The following GPHN variants were observed in gnomAD, a reference collection of about 807,000 sequenced individuals.
GPHN encodes gephyrin.
GPHN carries 17 observed loss-of-function variants against 95.5 expected under a neutral mutation model. The observed-to-expected ratio is 0.18, with a 90% CI of 0.12 to 0.27. GPHN has a LOEUF of 0.27. Among genes scored for constraint, GPHN ranks in the 10% least tolerant of loss-of-function variants. The pLI, the probability that GPHN is intolerant of heterozygous loss-of-function variation, is 1.00. For missense variants in GPHN, 660 were observed against 978.1 expected, an observed-to-expected ratio of 0.67 and a Z score of 4.34; for synonymous variants, 320 against 322.5, an observed-to-expected ratio of 0.99 and a Z score of 0.08.
intron 4 of GPHN, among the ~76,000 whole-genome samples, chr14:66,856,051 A>G (rs2062790451): frequency 6.6e-6 from 1 of 152,126 alleles, no homozygotes; most frequent in East Asian, 1.9e-4. Flanking sequence ...GTATTGATGA[A>G]GAGATCTTTT....
rs572014468 is a variant in GPHN, at chr14:66,802,537, C to A, written c.202-21937C>A. 2.0e-5 allele frequency among the ~76,000 whole-genome samples: 3 copies of A among 152,248 alleles called. No individual in the cohort carries two copies. The East Asian group carries it at 5.8e-4, about 29-fold the overall frequency. On this transcript the variant is annotated intron_variant, in intron 3 of 22. Coordinates refer to ENST00000478722, the MANE Select transcript of GPHN (RefSeq NM_020806.5). The stretch of plus-strand genomic sequence containing the variant: ...TTTTCTCAAGCAGAAGGAGTTTTGC[C>A]CCATAGCCACCACAGGTGGGAATGT...
At chr14:67,579,180 C>G in the GPHN span, 2 of 1,608,968 alleles carry the variant, frequency 1.2e-6, no homozygotes, top group Non-Finnish European at 1.7e-6. Context: ...GGCAGTGGAG[C>G]GGACCCTGCG....
chr14:67,155,129 T>C (rs932107392), intron 18 of GPHN, among the ~76,000 whole-genome samples: 2 of 152,114 alleles, frequency 1.3e-5, no homozygotes, highest in Non-Finnish European at 2.9e-5. Context: ...TCAGGACCTG[T>C]TATAGAGGAG....
chr14:67,208,179 G>A, the GPHN span: 114 of 1,611,818 alleles, frequency 7.1e-5, no homozygotes, highest in Non-Finnish European at 9.6e-5. Context: ...TACCTGATTT[G>A]CTGCTGCTTT....
intron 16 of GPHN, among the ~76,000 whole-genome samples, chr14:67,113,679 C>G (rs2078508871): frequency 6.6e-6 from 1 of 151,980 alleles, no homozygotes; most frequent in South Asian, 2.1e-4. Context: ...TCCTCTCTCT[C>G]TCCCTAAAGA....
chr14:66,716,259 C>T (rs989772422), intron 2 of GPHN, among the ~76,000 whole-genome samples: 42 of 152,042 alleles, frequency 2.8e-4, no homozygotes, highest in African/African-American at 8.9e-4. Flanking sequence ...TATAATGTCC[C>T]TCTTTGTCTT....
In GPHN at chr14:67,121,541, T is replaced by G. The variant is rs551794711; in HGVS notation, c.1627-715T>G. Among the ~76,000 whole-genome samples, 4 of 152,302 alleles carry G rather than the reference T, an allele frequency of 2.6e-5. No individual in the cohort carries two copies. In the South Asian group the frequency reaches 8.3e-4, roughly 32 times the overall value. On this transcript the variant is annotated intron_variant, in intron 16 of 22. Coordinates refer to ENST00000478722, the MANE Select transcript of GPHN (RefSeq NM_020806.5). The stretch of plus-strand genomic sequence containing the variant: ...ACAAAGAATTTTGTCAACTTGAATT[T>G]GAACCCTGTTGGAATCCAAAGCTCT...
chr14:66,636,733 A>T (rs1219101762), intron 1 of GPHN, among the ~76,000 whole-genome samples: 1 of 152,162 alleles, frequency 6.6e-6, no homozygotes, highest in East Asian at 1.9e-4. Flanking sequence ...AGAAATCAGG[A>T]TGCTTGCAAC....
At chr14:67,011,297 G>A (rs931140968) in intron 9 of GPHN, among the ~76,000 whole-genome samples, 1 of 151,866 alleles carries the variant, frequency 6.6e-6, no homozygotes, top group Non-Finnish European at 1.5e-5. Context: ...TAAAGGCCTG[G>A]CACAGTGGCT....
the GPHN span, among the ~76,000 whole-genome samples, chr14:67,490,549 T>C: frequency 2.0e-5 from 3 of 152,224 alleles, no homozygotes; most frequent in Non-Finnish European, 2.9e-5. Flanking sequence ...TTCATGCACA[T>C]AGGATTCACT....
At chr14:66,623,158 C>T (rs2063376507) in intron 1 of GPHN, among the ~76,000 whole-genome samples, 1 of 152,090 alleles carries the variant, frequency 6.6e-6, no homozygotes, top group East Asian at 1.9e-4. Context: ...ACAAAGTCAC[C>T]TCTTATATGG....
At chr14:66,706,118 C>G (rs1430370199) in intron 2 of GPHN, among the ~76,000 whole-genome samples, 3 of 152,054 alleles carry the variant, frequency 2.0e-5, no homozygotes, top group South Asian at 2.1e-4. Flanking sequence ...TGTGAAGGAC[C>G]TCTTCAGGGA....
At chr14:66,797,321 C>T (rs56189117) in intron 3 of GPHN, among the ~76,000 whole-genome samples, 48,857 of 151,288 alleles carry the variant, frequency 0.32, 12,444 homozygotes, top group African/African-American at 0.69. Flanking sequence ...TCTGGGTTTT[C>T]TGTGGTTCCA....
At chr14:66,839,879 G>C (rs1170863473) in intron 4 of GPHN, among the ~76,000 whole-genome samples, 1 of 152,038 alleles carries the variant, frequency 6.6e-6, no homozygotes, top group Non-Finnish European at 1.5e-5. Context: ...TACTGGTATT[G>C]TACTTTGTCC....
At chr14:66,945,447 A>C (rs1200826067) in intron 8 of GPHN, among the ~76,000 whole-genome samples, 1 of 152,192 alleles carries the variant, frequency 6.6e-6, no homozygotes, top group Non-Finnish European at 1.5e-5. Context: ...CATAAGAATT[A>C]TACAGTGGAC....
the GPHN span, among the ~76,000 whole-genome samples, chr14:67,696,411 C>A: frequency 1.3e-5 from 2 of 152,172 alleles, no homozygotes; most frequent in Admixed American, 6.5e-5. Context: ...GAATGTAAAC[C>A]CTTCCTCCTC....
chr14:67,564,682 T>C, the GPHN span, among the ~76,000 whole-genome samples: 1 of 150,888 alleles, frequency 6.6e-6, no homozygotes, highest in African/African-American at 2.5e-5. Flanking sequence ...GACATTTTTT[T>C]TTTCTTTTCC....
At chr14:67,277,200 T>C in the GPHN span, among the ~76,000 whole-genome samples, 1 of 152,216 alleles carries the variant, frequency 6.6e-6, no homozygotes, top group South Asian at 2.1e-4. Context: ...GCTGTCATGT[T>C]AATGAAAACG....
At chr14:67,336,668 C>T in the GPHN span, 1 of 454,904 alleles carries the variant, frequency 2.2e-6, no homozygotes, top group Non-Finnish European at 4.4e-6. Flanking sequence ...TCCAGCTGTG[C>T]TCTTTGACTT....
Sources: gnomAD v4.1 joint callset for allele counts (sites outside exome capture counted in the v4.1 genomes callset) on GRCh38, gnomAD v4.1.1 for gene constraint, MANE v1.5 for transcripts, NCBI Gene and HGNC (gene_info 2026-07-23, HGNC 2026-07-21) for gene names.